The following B3GALT1 variants were observed in gnomAD, a reference collection of about 807,000 sequenced individuals.
The protein encoded by B3GALT1 is UDP-Gal:betaGlcNAc beta 1,3-galactosyltransferase, polypeptide 1.
Under a neutral mutation model 23.2 loss-of-function variants are expected in B3GALT1, and 10 were observed. The observed-to-expected ratio is 0.43, with a 90% CI of 0.27 to 0.73. The LOEUF is 0.73. Among genes scored for constraint, B3GALT1 ranks in the 30% least tolerant of loss-of-function variants. The pLI, the probability that B3GALT1 is intolerant of heterozygous loss-of-function variation, is 0.21. For missense variants in B3GALT1, 299 were observed against 405.4 expected (o/e 0.74, Z 2.25); for synonymous variants, 156 against 141.5 (o/e 1.10, Z -0.73).
rs1335377269 is a variant in B3GALT1 at position 167,870,498 on chromosome 2, A to G, written c.*478A>G. 1 of 169,558 alleles carries G rather than the reference A, an allele frequency of 5.9e-6. No individual in the cohort carries two copies. Among genetic ancestry groups the G allele is most frequent in the Non-Finnish European group, 1.4e-5 (1 of 69,622 alleles). The allele number at this position is 169,558 out of a possible 1,614,324, so 10.5% of individuals were successfully genotyped here. On this transcript the variant is annotated 3_prime_UTR_variant, in exon 5 of 5. Transcript: ENST00000392690. The stretch of plus-strand genomic sequence containing the variant: ...ACATTATATTTTTACATATATTCCC[A>G]TGTAATGTGTACAGTCTTTGCAGTT...
intron 1 of B3GALT1, among the ~76,000 whole-genome samples, chr2:167,363,834 A>G (rs551237924): frequency 3.3e-5 from 5 of 152,126 alleles, no homozygotes; most frequent in Admixed American, 6.6e-5. Flanking sequence ...TGAGAGAATA[A>G]ACACTGAATC....
chr2:167,357,699 G>A (rs1391107267), intron 1 of B3GALT1, among the ~76,000 whole-genome samples: 1 of 152,104 alleles, frequency 6.6e-6, no homozygotes, highest in Non-Finnish European at 1.5e-5. Context: ...ACAATATTGA[G>A]CACTTTAATT....
intron 1 of B3GALT1, among the ~76,000 whole-genome samples, chr2:167,303,471 G>GAA (rs1225680879): frequency 6.6e-6 from 1 of 152,058 alleles, no homozygotes; most frequent in Admixed American, 6.6e-5. Context: ...ATGTCTGGGA[G>GAA]AATACCTCTG....
chr2:167,837,241 TAA>T (rs1402422867), intron 4 of B3GALT1, among the ~76,000 whole-genome samples: 1 of 152,038 alleles, frequency 6.6e-6, no homozygotes, highest in South Asian at 2.1e-4. Flanking sequence ...GAAAATTGGA[TAA>T]AGAGTCAAGA....
intron 2 of B3GALT1, among the ~76,000 whole-genome samples, chr2:167,544,026 C>T (rs545541109): frequency 1.3e-5 from 2 of 152,320 alleles, no homozygotes; most frequent in South Asian, 4.1e-4. Flanking sequence ...CATTGTGTCA[C>T]ATTTAAGGCA....
chr2:167,742,773 A>G (rs577579889), intron 3 of B3GALT1, among the ~76,000 whole-genome samples: 3 of 152,300 alleles, frequency 2.0e-5, no homozygotes, highest in African/African-American at 7.2e-5. Context: ...CATGAATAAT[A>G]TGATTAGTAT....
chr2:167,360,551 C>T (rs1370207211), intron 1 of B3GALT1, among the ~76,000 whole-genome samples: 1 of 152,012 alleles, frequency 6.6e-6, no homozygotes, highest in Non-Finnish European at 1.5e-5. Flanking sequence ...TCAGACTTAC[C>T]AAGTCAGAAA....
chr2:167,598,008 A>G (rs1684809884), intron 2 of B3GALT1, among the ~76,000 whole-genome samples: 1 of 152,214 alleles, frequency 6.6e-6, no homozygotes, highest in African/African-American at 2.4e-5. Context: ...AAGTCATTTC[A>G]CCATGTACTT....
chr2:167,334,504 A>G (rs1190639785), intron 1 of B3GALT1, among the ~76,000 whole-genome samples: 2 of 152,198 alleles, frequency 1.3e-5, no homozygotes, highest in Non-Finnish European at 2.9e-5. Context: ...ATCAGCTTTA[A>G]ACTAAAGATG....
At chr2:167,838,474 C>A (rs1689545253) in intron 4 of B3GALT1, among the ~76,000 whole-genome samples, 1 of 152,254 alleles carries the variant, frequency 6.6e-6, no homozygotes, top group Non-Finnish European at 1.5e-5. Context: ...AAGACTAAAC[C>A]AGGAAGAAGT....
chr2:167,488,578 T>C (rs1318223895), intron 1 of B3GALT1, among the ~76,000 whole-genome samples: 1 of 152,218 alleles, frequency 6.6e-6, no homozygotes, highest in Non-Finnish European at 1.5e-5. Flanking sequence ...GGTCCTATTG[T>C]TTGTCTGTTT....
chr2:167,410,104 G>A (rs548629710), intron 1 of B3GALT1, among the ~76,000 whole-genome samples: 133 of 152,196 alleles, frequency 8.7e-4, no homozygotes, highest in African/African-American at 3.1e-3. Flanking sequence ...CCATAACAAA[G>A]AATGAGTTCA....
intron 2 of B3GALT1, among the ~76,000 whole-genome samples, chr2:167,528,317 G>A (rs1403250056): frequency 2.0e-5 from 3 of 152,138 alleles, no homozygotes; most frequent in Non-Finnish European, 2.9e-5. Flanking sequence ...CTTCTACCTA[G>A]AGACTCTGCC....
chr2:167,786,536 G>A (rs1688347804), intron 3 of B3GALT1, among the ~76,000 whole-genome samples: 1 of 152,136 alleles, frequency 6.6e-6, no homozygotes, highest in Non-Finnish European at 1.5e-5. Flanking sequence ...AATGATTTTA[G>A]TAAGTTAAAT....
intron 3 of B3GALT1, among the ~76,000 whole-genome samples, chr2:167,697,856 G>A (rs1423617863): frequency 4.6e-5 from 7 of 152,144 alleles, no homozygotes; most frequent in East Asian, 1.9e-4. Context: ...TGAGCTAGGC[G>A]GTCATGAGGA....
chr2:167,847,157 G>A (rs968499461), intron 4 of B3GALT1, among the ~76,000 whole-genome samples: 1 of 152,158 alleles, frequency 6.6e-6, no homozygotes, highest in African/African-American at 2.4e-5. Context: ...CAATAATCAT[G>A]GGGGATTTCA....
At chr2:167,840,367 A>G (rs952830007) in intron 4 of B3GALT1, among the ~76,000 whole-genome samples, 1 of 152,190 alleles carries the variant, frequency 6.6e-6, no homozygotes, top group Non-Finnish European at 1.5e-5. Context: ...TGGGCAAAGG[A>G]CATGAACAGA....
intron 2 of B3GALT1, among the ~76,000 whole-genome samples, chr2:167,560,143 C>A (rs1574137174): frequency 6.6e-6 from 1 of 152,010 alleles, no homozygotes; most frequent in East Asian, 1.9e-4. Context: ...AGAGTGGGGG[C>A]CAATATTCAA....
chr2:167,364,339 G>GTTT (rs900879257), intron 1 of B3GALT1, among the ~76,000 whole-genome samples: 17 of 146,392 alleles, frequency 1.2e-4, no homozygotes, highest in African/African-American at 2.8e-4. Context: ...TATATATATA[G>GTTT]TTTTTTTTTT....
Sources: allele counts gnomAD v4.1 joint callset (sites outside exome capture counted in the v4.1 genomes callset), GRCh38; gene constraint gnomAD v4.1.1; transcripts MANE v1.5; gene names NCBI Gene and HGNC (gene_info 2026-07-23, HGNC 2026-07-21).